The following GPC5 variants were observed in gnomAD, a reference collection of about 807,000 sequenced individuals.
GPC5 encodes glypican-5.
GPC5 carries 47 observed loss-of-function variants against 53.9 expected under a neutral mutation model. That is an observed-to-expected ratio of 0.87 (90% CI 0.69 to 1.11). The LOEUF (loss-of-function observed/expected upper bound fraction) is 1.11, where lower values mean the gene tolerates loss of function less well. GPC5 is among the 50% of genes most tolerant of loss of function. The probability of loss-of-function intolerance (pLI) is 0.00; values close to 1 mark genes in which losing one functional copy is unlikely to be tolerated. For missense variants in GPC5, 748 were observed against 713.1 expected, an observed-to-expected ratio of 1.05 and a Z score of -0.56; for synonymous variants, 286 against 263.3, an observed-to-expected ratio of 1.09 and a Z score of -0.84.
At chr13:91,525,962 A>G (rs1886068442) in intron 2 of GPC5, among the ~76,000 whole-genome samples, 1 of 152,304 alleles carries the variant, frequency 6.6e-6, no homozygotes, top group African/African-American at 2.4e-5. Flanking sequence ...TCAAAAGTTG[A>G]ATTTATGTAG....
chr13:91,766,187 A>T (rs989341551), intron 5 of GPC5, among the ~76,000 whole-genome samples: 7 of 152,240 alleles, frequency 4.6e-5, no homozygotes, highest in African/African-American at 1.7e-4. Context: ...AAATCTTTCA[A>T]GTTGGATGGA....
chr13:92,479,500 T>C (rs1879272285), intron 7 of GPC5, among the ~76,000 whole-genome samples: 2 of 152,212 alleles, frequency 1.3e-5, no homozygotes, highest in African/African-American at 2.4e-5. Flanking sequence ...AGAATTCAGG[T>C]GATGAAGTAG....
chr13:92,257,567 T>TTTGG (rs1555323586), intron 7 of GPC5, among the ~76,000 whole-genome samples: 1 of 142,108 alleles, frequency 7.0e-6, no homozygotes, highest in African/African-American at 2.9e-5. Flanking sequence ...TTTTTTTTTT[T>TTTGG]GGGGACAGAG....
At chr13:92,605,850 G>GA (rs951282557) in intron 7 of GPC5, among the ~76,000 whole-genome samples, 13 of 150,842 alleles carry the variant, frequency 8.6e-5, no homozygotes, top group African/African-American at 2.9e-4. Flanking sequence ...GATAGGACTG[G>GA]AAAAAAAAGA....
At chr13:91,616,312 C>G (rs916415799) in intron 2 of GPC5, among the ~76,000 whole-genome samples, 1 of 151,936 alleles carries the variant, frequency 6.6e-6, no homozygotes, top group African/African-American at 2.4e-5. Flanking sequence ...TCAAACTAAA[C>G]AAATCAAGAC....
intron 7 of GPC5, among the ~76,000 whole-genome samples, chr13:92,829,124 G>T (rs147840531): frequency 6.6e-6 from 1 of 152,072 alleles, no homozygotes; most frequent in African/African-American, 2.4e-5. Flanking sequence ...GTATGTCTAC[G>T]CAAAGCACTG....
intron 1 of GPC5, among the ~76,000 whole-genome samples, chr13:91,412,834 A>G (rs747807490): frequency 2.6e-5 from 4 of 152,222 alleles, no homozygotes; most frequent in African/African-American, 4.8e-5. Context: ...CCTTTGCCCA[A>G]CTTATAGGAA....
At chr13:91,675,282 A>T (rs1056226085) in intron 2 of GPC5, among the ~76,000 whole-genome samples, 24 of 152,320 alleles carry the variant, frequency 1.6e-4, no homozygotes, top group African/African-American at 5.8e-4. Flanking sequence ...GAGAAACACT[A>T]ATATATATCT....
chr13:91,951,111 C>A (rs1434267323), intron 6 of GPC5, among the ~76,000 whole-genome samples: 1 of 152,068 alleles, frequency 6.6e-6, no homozygotes. Flanking sequence ...ATCTGTTTTG[C>A]CCATTTAGCA....
intron 2 of GPC5, among the ~76,000 whole-genome samples, chr13:91,585,810 G>A (rs892921325): frequency 3.3e-5 from 5 of 152,146 alleles, no homozygotes; most frequent in African/African-American, 1.2e-4. Context: ...TACGTCTTCT[G>A]AGGTTTTCTC....
chr13:91,997,221 G>A (rs370834747), intron 6 of GPC5, among the ~76,000 whole-genome samples: 7 of 152,120 alleles, frequency 4.6e-5, no homozygotes, highest in East Asian at 3.9e-4. Context: ...CTGATATGTC[G>A]TACTGTCAAT....
intron 7 of GPC5, among the ~76,000 whole-genome samples, chr13:92,381,890 T>C (rs796136714): frequency 0.15 from 6,361 of 43,420 alleles, 633 homozygotes; most frequent in African/African-American, 0.18. Context: ...TTATATATAT[T>C]ATATATAATC....
At position 91,847,461 on chromosome 13, in the gene GPC5, G is replaced by T. The variant is rs551577757; in HGVS notation, c.1281-60476G>T. Among the ~76,000 whole-genome samples the T allele has an allele frequency of 1.8e-4, 27 of 152,062 alleles. 1 individual carries two copies. Among genetic ancestry groups the T allele is most frequent in the African/African-American group, 6.0e-4 (25 of 41,484 alleles). ...CAACTGAAAAAAATGCTGTCAAAGA[G>T]CAACCATGTAGAATTAGGCATGGTT... On this transcript the variant is annotated intron_variant, in intron 5 of 7. Coordinates refer to ENST00000377067, the MANE Select transcript of GPC5 (RefSeq NM_004466.6).
At chr13:92,364,647 G>A (rs71427564) in intron 7 of GPC5, among the ~76,000 whole-genome samples, 15,125 of 151,646 alleles carry the variant, frequency 0.1, 970 homozygotes, top group Middle Eastern at 0.15. Context: ...GGAGAATGGC[G>A]TGAACCCGGG....
intron 6 of GPC5, among the ~76,000 whole-genome samples, chr13:91,956,298 C>T (rs2040073136): frequency 6.6e-6 from 1 of 152,174 alleles, no homozygotes; most frequent in Admixed American, 6.5e-5. Context: ...ATTGTCATCA[C>T]AGCTGGCACC....
chr13:92,695,682 T>G (rs4773694), intron 7 of GPC5, among the ~76,000 whole-genome samples: 1 of 151,960 alleles, frequency 6.6e-6, no homozygotes, highest in Non-Finnish European at 1.5e-5. Flanking sequence ...GAAGTTCTCT[T>G]GTATTAAAAA....
At chr13:91,973,570 G>C (rs1037439844) in intron 6 of GPC5, among the ~76,000 whole-genome samples, 9 of 152,120 alleles carry the variant, frequency 5.9e-5, no homozygotes, top group African/African-American at 1.9e-4. Flanking sequence ...CGGTTTTTCT[G>C]CTCTGTTTTT....
chr13:92,667,097 GT>G (rs2139198343), intron 7 of GPC5, among the ~76,000 whole-genome samples: 1 of 152,246 alleles, frequency 6.6e-6, no homozygotes, highest in East Asian at 1.9e-4. Flanking sequence ...CCAAAATTTG[GT>G]TGAGATTTGT....
At chr13:91,994,002 A>G (rs1006727539) in intron 6 of GPC5, among the ~76,000 whole-genome samples, 1 of 152,200 alleles carries the variant, frequency 6.6e-6, no homozygotes, top group African/African-American at 2.4e-5. Context: ...CCCAAAAGCA[A>G]TTTTATAGTC....
Sources: gnomAD v4.1 joint callset for allele counts (sites outside exome capture counted in the v4.1 genomes callset) on GRCh38, gnomAD v4.1.1 for gene constraint, MANE v1.5 for transcripts, NCBI Gene and HGNC (gene_info 2026-07-23, HGNC 2026-07-21) for gene names.